The following CD55 variants were observed in gnomAD, a reference collection of about 807,000 sequenced individuals.
The protein encoded by CD55 is CD55 molecule (Cromer blood group).
CD55 carries 41 observed loss-of-function variants against 45.8 expected under a neutral mutation model. The observed-to-expected ratio is 0.90, with a 90% CI of 0.70 to 1.16. The LOEUF (loss-of-function observed/expected upper bound fraction) is 1.16, where lower values mean the gene tolerates loss of function less well. Among genes scored for constraint, CD55 ranks in the 50% most tolerant of loss-of-function variants. CD55 has a pLI of 0.00. For missense variants in CD55, 416 were observed against 469.8 expected (o/e 0.89, Z 1.06); for synonymous variants, 181 against 181.1 (o/e 1.00, Z 0.01).
At chr1:207,322,281 C>T (rs1456025087) in intron 1 of CD55, 101 bp from the exon 2 acceptor site, 1 of 960,846 alleles carries the variant, frequency 1.0e-6, no homozygotes, top group Non-Finnish European at 1.7e-6. Flanking sequence ...TGCATGTCAT[C>T]TCTTTCAGGT....
intron 2 of CD55, among the ~76,000 whole-genome samples, chr1:207,323,593 GAGATAA>G (rs936979097): frequency 2.0e-4 from 30 of 152,122 alleles, no homozygotes; most frequent in African/African-American, 6.0e-4. Context: ...TATATGAGTA[GAGATAA>G]AGATAAAGAG....
intron 7 of CD55, 52 bp downstream of exon 7, chr1:207,336,870 C>G: frequency 6.2e-7 from 1 of 1,605,762 alleles, no homozygotes; most frequent in Non-Finnish European, 8.5e-7. Context: ...AATGTTTCAG[C>G]TACAAGAACC....
intron 5 of CD55, 149 bp downstream of exon 5, chr1:207,326,986 T>G: frequency 2.0e-6 from 1 of 504,524 alleles, no homozygotes; most frequent in Non-Finnish European, 3.5e-6. Flanking sequence ...TTAAGACCTT[T>G]TCTAGTGATG....
intron 9 of CD55, among the ~76,000 whole-genome samples, chr1:207,351,485 C>G (rs1655866297): frequency 6.6e-6 from 1 of 152,096 alleles, no homozygotes; most frequent in Admixed American, 6.5e-5. Flanking sequence ...TCCATCTCTT[C>G]ATAGGTCTTT....
intron 5 of CD55, 44 bp from the exon 6 acceptor site, chr1:207,331,064 T>G (rs1309775305): frequency 2.3e-6 from 3 of 1,294,012 alleles, no homozygotes; most frequent in Non-Finnish European, 3.3e-6. Flanking sequence ...AAAAATACTT[T>G]ACTAGTTTTA....
intron 5 of CD55, among the ~76,000 whole-genome samples, chr1:207,330,903 T>A (rs908055410): frequency 4.6e-5 from 7 of 152,226 alleles, no homozygotes; most frequent in African/African-American, 1.7e-4. Context: ...TTAGCATTTG[T>A]CTTCTACACC....
intron 9 of CD55, chr1:207,350,291 C>T (rs1655814887): frequency 3.2e-6 from 1 of 313,964 alleles, no homozygotes; most frequent in Non-Finnish European, 6.2e-6. Flanking sequence ...TTTGCATTTA[C>T]TTTCATCAGG....
intron 7 of CD55, 78 bp from the exon 8 acceptor site, chr1:207,337,251 G>C: frequency 1.1e-6 from 1 of 933,350 alleles, no homozygotes; most frequent in Non-Finnish European, 1.7e-6. Context: ...TCAGCAGCAC[G>C]TAAGTCCACT....
chr1:207,336,679 C>G lies in CD55; in HGVS notation c.854-14C>G. 4 of 1,612,676 alleles carry G rather than the reference C, an allele frequency of 2.5e-6. No individual in the cohort carries two copies. Among genetic ancestry groups the G allele is most frequent in the Non-Finnish European group, 3.4e-6 (4 of 1,179,396 alleles). ...ATATTTAGCTAACTTGTTTCTCAAC[C>G]TTTTCTTTCACAGGAAAATCTCTAA... On this transcript the variant is annotated splice_polypyrimidine_tract_variant and intron_variant, in intron 6 of 9. Coordinates refer to ENST00000367064, the MANE Select transcript of CD55 (RefSeq NM_000574.5).
intron 9 of CD55, among the ~76,000 whole-genome samples, chr1:207,349,480 C>T (rs1038210376): frequency 2.0e-5 from 3 of 152,148 alleles, no homozygotes; most frequent in African/African-American, 7.2e-5. Context: ...ACCATGCCCG[C>T]AGTATGGCCC....
intron 6 of CD55, among the ~76,000 whole-genome samples, chr1:207,334,555 G>A (rs968907605): frequency 3.3e-5 from 5 of 152,098 alleles, no homozygotes; most frequent in African/African-American, 1.2e-4. Context: ...CAATGCGAAA[G>A]GCAGAAAGAG....
chr1:207,354,146 T>A, intron 9 of CD55: 1 of 1,498,738 alleles, frequency 6.7e-7, no homozygotes, highest in Non-Finnish European at 8.9e-7. Flanking sequence ...GTGAAGATGA[T>A]ACCCTATATA....
At chr1:207,332,589 A>G (rs1654997721) in intron 6 of CD55, among the ~76,000 whole-genome samples, 1 of 152,150 alleles carries the variant, frequency 6.6e-6, no homozygotes, top group Admixed American at 6.6e-5. Context: ...ATTTGAATTC[A>G]TTTAATTATG....
At chr1:207,349,065 A>T (rs1425004929) in intron 9 of CD55, among the ~76,000 whole-genome samples, 1 of 152,148 alleles carries the variant, frequency 6.6e-6, no homozygotes, top group East Asian at 1.9e-4. Context: ...TTGATTCCAT[A>T]TGAATTTTAG....
rs1468282984 is a variant in CD55, at chr1:207,326,777, A to G, written c.604A>G (p.Ser202Gly). 2 of 1,613,610 alleles carry G rather than the reference A, an allele frequency of 1.2e-6. No individual in the cohort carries two copies. The highest frequency in any genetic ancestry group is 1.7e-5 in the Admixed American group (1 of 59,978). Reference protein sequence around the residue: ...TGYKLFGSTSSFCLISGSSVQ... With the variant: ...TGYKLFGSTSGFCLISGSSVQ... The stretch of plus-strand genomic sequence containing the variant: ...GTACAAATTATTTGGCTCGACTTCT[A>G]GTTTTTGTCTTATTTCAGGCAGCTC... Residue 202 changes from serine (S) to glycine (G), a missense_variant, in exon 5 of 10, where the codon AGT (serine) becomes GGT (glycine). Physicochemically the swap from Ser to Gly is moderately conservative, Grantham distance 56 (BLOSUM62 0). Coordinates refer to ENST00000367064, the MANE Select transcript of CD55 (RefSeq NM_000574.5).
chr1:207,333,122 C>T (rs1050038556), intron 6 of CD55, among the ~76,000 whole-genome samples: 1 of 152,194 alleles, frequency 6.6e-6, no homozygotes, highest in African/African-American at 2.4e-5. Context: ...TTCTAAAGTA[C>T]AAAATGAAAT....
At chr1:207,359,330 A>C (rs1399017911) in intron 9 of CD55, among the ~76,000 whole-genome samples, 1 of 151,510 alleles carries the variant, frequency 6.6e-6, no homozygotes, top group Non-Finnish European at 1.5e-5. Context: ...GAAACTAAAA[A>C]CTCCACGTCA....
At chr1:207,344,336 T>A (rs1655546059) in intron 9 of CD55, among the ~76,000 whole-genome samples, 1 of 152,224 alleles carries the variant, frequency 6.6e-6, no homozygotes, top group African/African-American at 2.4e-5. Context: ...TTTCTGTGTG[T>A]TTTCATGATT....
intron 9 of CD55, among the ~76,000 whole-genome samples, chr1:207,349,953 G>A (rs1304476922): frequency 1.3e-5 from 2 of 152,170 alleles, no homozygotes; most frequent in African/African-American, 4.8e-5. Flanking sequence ...CAAGGTGAAT[G>A]CTTCCAGCTT....
Sources: allele counts gnomAD v4.1 joint callset (sites outside exome capture counted in the v4.1 genomes callset), GRCh38; gene constraint gnomAD v4.1.1; transcripts MANE v1.5; gene names NCBI Gene and HGNC (gene_info 2026-07-23, HGNC 2026-07-21).